Variants in TSHR observed in about 807,000 individuals in gnomAD.
The protein encoded by TSHR is thyroid stimulating hormone receptor, also known as thyrotropin receptor.
Under a neutral mutation model 64.1 loss-of-function variants are expected in TSHR, and 51 were observed. The observed-to-expected ratio is 0.80, with a 90% CI of 0.64 to 1.01. The LOEUF (loss-of-function observed/expected upper bound fraction) is 1.01. Ranked by LOEUF, TSHR falls within the 50% of genes least tolerant of loss-of-function variation. TSHR has a pLI of 0.00. For synonymous variants in TSHR, 361 were observed against 361.9 expected (o/e 1.00, Z 0.03); for missense variants, 877 against 942.8 (o/e 0.93, Z 0.91).
chr14:81,089,486 A>T (rs1025302708), intron 4 of TSHR, among the ~76,000 whole-genome samples: 3 of 152,226 alleles, frequency 2.0e-5, no homozygotes, highest in African/African-American at 7.2e-5. Context: ...TCTGTGGGGA[A>T]CATACAGGTT....
At chr14:81,073,341 T>G (rs1407527259) in intron 3 of TSHR, among the ~76,000 whole-genome samples, 1 of 151,946 alleles carries the variant, frequency 6.6e-6, no homozygotes, top group Non-Finnish European at 1.5e-5. Flanking sequence ...GATAAAAAGT[T>G]AATAAAAAGA....
At chr14:81,113,715 G>T (rs548318075) in intron 8 of TSHR, among the ~76,000 whole-genome samples, 1 of 152,120 alleles carries the variant, frequency 6.6e-6, no homozygotes, top group Admixed American at 6.5e-5. Context: ...AGAGAGAGCT[G>T]CACGCTAAGT....
chr14:81,102,153 CTG>C (rs1394234727), intron 7 of TSHR, among the ~76,000 whole-genome samples: 2 of 146,062 alleles, frequency 1.4e-5, no homozygotes, highest in African/African-American at 5.2e-5. Context: ...GCCTGGGAGA[CTG>C]AGAGAGACTC....
chr14:81,068,210 C>A (rs756474095), intron 2 of TSHR, 44 bp from the exon 3 acceptor site: 2 of 1,579,470 alleles, frequency 1.3e-6, no homozygotes, highest in East Asian at 4.5e-5. Flanking sequence ...AAGTTTACAA[C>A]CTTACTAACT....
Position 81,143,868 on chromosome 14 carries a change from A to G in TSHR, c.1810A>G (p.Ile604Val). 1 of 1,614,110 alleles carries G rather than the reference A, an allele frequency of 6.2e-7. No homozygotes were observed. The change falls in exon 10 of 10, where the codon ATC (isoleucine) becomes GTC (valine). Residue 604 changes from isoleucine (I) to valine (V), a missense_variant. Physicochemically the swap from Ile to Val is conservative, Grantham distance 29. Coordinates refer to ENST00000298171, the MANE Select transcript of TSHR (RefSeq NM_000369.5). ...CATCGTCTGCTGCTGTTATGTGAAG[A>G]TCTACATCACAGTCCGAAATCCGCA... ...FVIVCCCYVK[I>V]YITVRNPQYN...
At chr14:81,017,436 C>A (rs150042465) in intron 1 of TSHR, among the ~76,000 whole-genome samples, 131 of 152,200 alleles carry the variant, frequency 8.6e-4, no homozygotes, top group African/African-American at 2.9e-3. Flanking sequence ...GGAGAGAGTG[C>A]ACAAAGAAAA....
intron 3 of TSHR, among the ~76,000 whole-genome samples, chr14:81,081,059 C>T (rs1887864720): frequency 6.6e-6 from 1 of 152,090 alleles, no homozygotes; most frequent in Non-Finnish European, 1.5e-5. Context: ...AACCTTTAGT[C>T]ACAGCTACTT....
Position 81,108,418 on chromosome 14 carries a change from G to A in TSHR, c.658G>A (p.Ala220Thr), listed in dbSNP as rs1296305340. 2 of 1,613,150 alleles carry A rather than the reference G, an allele frequency of 1.2e-6. No individual in the cohort carries two copies. Among genetic ancestry groups the A allele is most frequent in the Non-Finnish European group, 1.7e-6 (2 of 1,179,874 alleles). Residue 220 changes from alanine (A) to threonine (T), a missense_variant, in exon 8 of 10, where the codon GCA (alanine) becomes ACA (threonine). Coordinates refer to ENST00000298171, the MANE Select transcript of TSHR (RefSeq NM_000369.5). Reference protein sequence around the residue: ...NKYLTVIDKDAFGGVYSGPSL... With the variant: ...NKYLTVIDKDTFGGVYSGPSL... ...ATACCTGACAGTTATTGACAAAGAT[G>A]CATTTGGAGGAGTATACAGTGGACC...
chr14:80,983,475 T>C, intron 1 of TSHR: 1 of 1,360,506 alleles, frequency 7.4e-7, no homozygotes, highest in Non-Finnish European at 1.0e-6. Context: ...AAAACTCATC[T>C]TTAACCATAA....
chr14:80,990,468 G>A (rs537600188), intron 1 of TSHR, among the ~76,000 whole-genome samples: 12 of 152,304 alleles, frequency 7.9e-5, no homozygotes, highest in Admixed American at 5.2e-4. Flanking sequence ...CATGCCCTGC[G>A]GGAAGGTTCC....
chr14:81,142,705 G>T (rs879860304), intron 9 of TSHR, among the ~76,000 whole-genome samples: 5 of 150,090 alleles, frequency 3.3e-5, no homozygotes, highest in African/African-American at 1.2e-4. Flanking sequence ...ACCTCCCCAG[G>T]CTCAGGTGAT....
intron 1 of TSHR, among the ~76,000 whole-genome samples, chr14:81,039,244 C>A (rs914913079): frequency 6.6e-6 from 1 of 151,810 alleles, no homozygotes; most frequent in Non-Finnish European, 1.5e-5. Flanking sequence ...TTAATAAAAT[C>A]AATGACAAAA....
chr14:80,996,613 G>T (rs1889037809), intron 1 of TSHR, among the ~76,000 whole-genome samples: 1 of 152,034 alleles, frequency 6.6e-6, no homozygotes, highest in Non-Finnish European at 1.5e-5. Context: ...AAGAAGCACT[G>T]TTCGAGCAAT....
intron 1 of TSHR, among the ~76,000 whole-genome samples, chr14:81,053,982 C>A (rs1266727578): frequency 7.2e-5 from 11 of 152,122 alleles, no homozygotes; most frequent in African/African-American, 2.7e-4. Flanking sequence ...AACAAGAAAT[C>A]TGTGATGATA....
intron 8 of TSHR, among the ~76,000 whole-genome samples, chr14:81,125,986 C>A (rs1447039798): frequency 6.6e-6 from 1 of 151,942 alleles, no homozygotes; most frequent in Non-Finnish European, 1.5e-5. Flanking sequence ...GACTTCTTGA[C>A]AAGAACAGGG....
chr14:81,020,264 C>T (rs1271166897), intron 1 of TSHR, among the ~76,000 whole-genome samples: 2 of 152,266 alleles, frequency 1.3e-5, no homozygotes, highest in East Asian at 3.9e-4. Context: ...ATTAGCAATT[C>T]CTTTTAGAAC....
Position 80,955,738 on chromosome 14 carries a change from G to A in TSHR, c.58G>A (p.Gly20Ser). The A allele has an allele frequency of 6.2e-7, 1 of 1,614,174 alleles. No homozygotes were observed. The highest frequency in any genetic ancestry group is 8.5e-7 in the Non-Finnish European group (1 of 1,180,038). The change falls in exon 1 of 10, where the codon GGC becomes AGC. Residue 20 changes from glycine (G) to serine (S), a missense_variant. By Grantham distance (56) the Gly-to-Ser change is moderately conservative (BLOSUM62 0). Transcript: ENST00000298171. ...GCTGCTCGACCTGCCCAGGGACCTG[G>A]GCGGAATGGGGTGTTCGTCTCCACC... ...VLLLDLPRDL[G>S]GMGCSSPPCE...
At chr14:81,060,098 C>G (rs1449539616) in intron 1 of TSHR, among the ~76,000 whole-genome samples, 1 of 152,028 alleles carries the variant, frequency 6.6e-6, no homozygotes, top group Non-Finnish European at 1.5e-5. Flanking sequence ...ATGTTATTTA[C>G]TTTTGAACAT....
At chr14:81,063,030 G>A (rs1190088756) in intron 2 of TSHR, among the ~76,000 whole-genome samples, 1 of 152,100 alleles carries the variant, frequency 6.6e-6, no homozygotes, top group African/African-American at 2.4e-5. Flanking sequence ...CACCTAGTGG[G>A]TAAAAGTGAA....
Sources: allele counts gnomAD v4.1 joint callset (sites outside exome capture counted in the v4.1 genomes callset), GRCh38; gene constraint gnomAD v4.1.1; transcripts MANE v1.5; gene names NCBI Gene and HGNC (gene_info 2026-07-23, HGNC 2026-07-21).